Variants in GAS2 observed in about 807,000 individuals in gnomAD.
GAS2 encodes growth arrest specific 2.
In GAS2, 20 loss-of-function variants were observed where a neutral mutation model predicts 37.5. That is an observed-to-expected ratio of 0.53 (90% CI 0.37 to 0.77). The LOEUF (loss-of-function observed/expected upper bound fraction) is 0.77. Among genes scored for constraint, GAS2 ranks in the 30% least tolerant of loss-of-function variants. The pLI, the probability that GAS2 is intolerant of heterozygous loss-of-function variation, is 0.00. For synonymous variants in GAS2, 144 were observed against 132.2 expected (o/e 1.09, Z -0.61); for missense variants, 336 against 373.4 (o/e 0.90, Z 0.82).
chr11:22,647,026 C>G, intron 1 of GAS2, among the ~76,000 whole-genome samples: 1 of 151,044 alleles, frequency 6.6e-6, no homozygotes, highest in Non-Finnish European at 1.5e-5. Flanking sequence ...CACCCACTAA[C>G]TCGTCATCTA....
chr11:22,669,678 C>T (rs942106611), intron 1 of GAS2, among the ~76,000 whole-genome samples: 22 of 152,038 alleles, frequency 1.4e-4, no homozygotes, highest in Non-Finnish European at 2.6e-4. Flanking sequence ...TTATTAATTA[C>T]GAGGAGTTTG....
At position 22,742,449 on chromosome 11, in the gene GAS2, G is replaced by C. The variant is rs183375621; in HGVS notation, c.473+4681G>C. 4.6e-4 allele frequency among the ~76,000 whole-genome samples: 70 copies of C among 152,202 alleles called. No individual in the cohort carries two copies. The Middle Eastern group carries it at 0.01, about 22-fold the overall frequency. The stretch of plus-strand genomic sequence containing the variant: ...ATTTGATGACTAAGTTGACTTGCAG[G>C]TGCAAGCCCCCAACCCAAAGGGAAT... On this transcript the variant is annotated intron_variant, in intron 5 of 7. Transcript: ENST00000454584.
At chr11:22,772,322 G>T (rs1855019995) in intron 7 of GAS2, among the ~76,000 whole-genome samples, 1 of 152,174 alleles carries the variant, frequency 6.6e-6, no homozygotes, top group Non-Finnish European at 1.5e-5. Context: ...TCAAGAGGAA[G>T]ATGTTGGCGG....
At chr11:22,690,433 T>G (rs549197550) in intron 3 of GAS2, among the ~76,000 whole-genome samples, 105 of 152,184 alleles carry the variant, frequency 6.9e-4, no homozygotes, top group Non-Finnish European at 8.8e-5. Flanking sequence ...GTAGTTAACC[T>G]TAGCCTTTGT....
chr11:22,646,049 G>C (rs1464010281), intron 1 of GAS2, among the ~76,000 whole-genome samples: 1 of 151,864 alleles, frequency 6.6e-6, no homozygotes, highest in Non-Finnish European at 1.5e-5. Flanking sequence ...CTCCATGTTG[G>C]TCAGGCTGGT....
chr11:22,673,161 A>G (rs1042187392), intron 1 of GAS2, among the ~76,000 whole-genome samples: 1 of 152,126 alleles, frequency 6.6e-6, no homozygotes, highest in Non-Finnish European at 1.5e-5. Flanking sequence ...CATACTCCCA[A>G]CAGTCTTTTC....
At chr11:22,647,322 T>A (rs983153720) in intron 1 of GAS2, among the ~76,000 whole-genome samples, 1 of 152,158 alleles carries the variant, frequency 6.6e-6, no homozygotes, top group Non-Finnish European at 1.5e-5. Flanking sequence ...CAGTCTATCA[T>A]TGTTGGACAC....
chr11:22,713,931 CACAATGAGAAA>C (rs1565104046), intron 3 of GAS2, among the ~76,000 whole-genome samples: 2 of 151,896 alleles, frequency 1.3e-5, no homozygotes, highest in Non-Finnish European at 2.9e-5. Flanking sequence ...GGACCAATAA[CACAATGAGAAA>C]ACAATGAGAA....
chr11:22,753,334 C>G (rs537941648), intron 6 of GAS2, among the ~76,000 whole-genome samples: 1 of 152,196 alleles, frequency 6.6e-6, no homozygotes, highest in South Asian at 2.1e-4. Flanking sequence ...ACTACAAAAA[C>G]AGCCCTTGAC....
At chr11:22,694,320 T>C (rs562161919) in intron 3 of GAS2, among the ~76,000 whole-genome samples, 12 of 152,180 alleles carry the variant, frequency 7.9e-5, no homozygotes, top group African/African-American at 2.9e-4. Context: ...ATATCCACTT[T>C]GCCTCTGGAA....
At chr11:22,685,843 T>G in intron 3 of GAS2, 54 bp downstream of exon 3, 3 of 1,539,676 alleles carry the variant, frequency 1.9e-6, no homozygotes, top group African/African-American at 2.8e-5. Context: ...CATTTATAAT[T>G]GCTTATAAAT....
In GAS2 at chr11:22,812,112, A is replaced by G; in HGVS notation, c.*96A>G. On this transcript the variant is annotated 3_prime_UTR_variant, in exon 8 of 8. Coordinates refer to ENST00000454584, the MANE Select transcript of GAS2 (RefSeq NM_001143830.3). ...TCATATGTTCTGAAAACTGTTTTGGAGAAAGATAGACAGAAAAATGTCATC... is the reference window on the plus strand; with the variant it reads ...TCATATGTTCTGAAAACTGTTTTGGGGAAAGATAGACAGAAAAATGTCATC... 1.2e-6 allele frequency: 1 copy of G among 851,274 alleles called. No individual in the cohort carries two copies. The highest frequency in any genetic ancestry group is 1.9e-6 in the Non-Finnish European group (1 of 532,928). The allele number at this position is 851,274 out of a possible 1,614,324, so 52.7% of individuals were successfully genotyped here.
At chr11:22,705,808 C>T (rs995575536) in intron 3 of GAS2, among the ~76,000 whole-genome samples, 1 of 152,116 alleles carries the variant, frequency 6.6e-6, no homozygotes, top group African/African-American at 2.4e-5. Context: ...TGAATTTCAA[C>T]TGCTGTGTAT....
At chr11:22,776,770 A>G (rs113815110) in intron 7 of GAS2, among the ~76,000 whole-genome samples, 11 of 152,314 alleles carry the variant, frequency 7.2e-5, no homozygotes, top group African/African-American at 2.6e-4. Context: ...GCCTTCTTTA[A>G]TTCATACTTT....
intron 3 of GAS2, among the ~76,000 whole-genome samples, chr11:22,704,096 A>G (rs1850980490): frequency 6.6e-6 from 1 of 152,166 alleles, no homozygotes; most frequent in South Asian, 2.1e-4. Flanking sequence ...AAACAACTCA[A>G]TAAATTCAGA....
At chr11:22,635,280 G>A (rs564664802) in intron 1 of GAS2, among the ~76,000 whole-genome samples, 55 of 152,312 alleles carry the variant, frequency 3.6e-4, no homozygotes, top group Admixed American at 6.5e-4. Flanking sequence ...GCCAGCATAA[G>A]CAGCAGCTCT....
intron 7 of GAS2, among the ~76,000 whole-genome samples, chr11:22,780,323 C>T (rs546221109): frequency 2.0e-5 from 3 of 152,066 alleles, no homozygotes; most frequent in East Asian, 3.9e-4. Context: ...GGAGAAACCC[C>T]GTCTCTACTA....
intron 1 of GAS2, among the ~76,000 whole-genome samples, chr11:22,650,837 A>C (rs1157307524): frequency 6.6e-6 from 1 of 151,834 alleles, no homozygotes; most frequent in Non-Finnish European, 1.5e-5. Flanking sequence ...GGGTTTCCTG[A>C]ATACAGCACA....
intron 1 of GAS2, among the ~76,000 whole-genome samples, chr11:22,638,512 A>C (rs1454439967): frequency 2.0e-5 from 3 of 151,660 alleles, no homozygotes; most frequent in African/African-American, 7.3e-5. Flanking sequence ...CACCCAGCTA[A>C]TTTTTGTATT....
Sources: gnomAD v4.1 joint callset for allele counts (sites outside exome capture counted in the v4.1 genomes callset) on GRCh38, gnomAD v4.1.1 for gene constraint, MANE v1.5 for transcripts, NCBI Gene and HGNC (gene_info 2026-07-23, HGNC 2026-07-21) for gene names.